The following PPP1R16A variants were observed in gnomAD, a reference collection of about 807,000 sequenced individuals.
PPP1R16A encodes the protein myosin phosphatase-targeting subunit 3.
In PPP1R16A, 39 loss-of-function variants were observed where a neutral mutation model predicts 46.6. The observed-to-expected ratio is 0.84, with a 90% CI of 0.65 to 1.09. The LOEUF (loss-of-function observed/expected upper bound fraction) is 1.09. PPP1R16A is among the 50% of genes least tolerant of loss of function. The pLI, the probability that PPP1R16A is intolerant of heterozygous loss-of-function variation, is 0.00. For synonymous variants in PPP1R16A, 413 were observed against 321.5 expected (o/e 1.28, Z -3.04); for missense variants, 798 against 735.6 (o/e 1.08, Z -0.98).
chr8:144,496,784 C>G lies in PPP1R16A; in HGVS notation c.-411C>G. On this transcript the variant is annotated 5_prime_UTR_variant, in exon 3 of 12. Coordinates refer to ENST00000435887, the MANE Select transcript of PPP1R16A (RefSeq NM_001329443.2). ...TCTCACTGCTGGTTGGCCCTGCCCTCCCTTCCCCCTCAGCAGGGTGCCCGG... is the reference window on the plus strand; with the variant it reads ...TCTCACTGCTGGTTGGCCCTGCCCTGCCTTCCCCCTCAGCAGGGTGCCCGG... 3.7e-6 allele frequency: 1 copy of G among 269,074 alleles called. No homozygotes were observed. Among genetic ancestry groups the G allele is most frequent in the East Asian group, 8.8e-5 (1 of 11,354 alleles). 16.7% of individuals were successfully genotyped at this position (269,074 alleles called of 1,614,324 possible).
At chr8:144,495,899 G>A (rs943551718) in intron 2 of PPP1R16A, 2 of 152,478 alleles carry the variant, frequency 1.3e-5, no homozygotes, top group African/African-American at 4.8e-5. Context: ...CAGGCACCAG[G>A]TGGGGGCTTT....
intron 2 of PPP1R16A, among the ~76,000 whole-genome samples, chr8:144,494,680 G>A (rs1012649863): frequency 6.6e-6 from 1 of 152,164 alleles, no homozygotes; most frequent in Non-Finnish European, 1.5e-5. Context: ...CTTGGCTTGT[G>A]ATCTCTTTGG....
rs1322151126 is a variant in PPP1R16A, at chr8:144,500,980, C to T, written c.1037+9C>T. 4.9e-6 allele frequency: 7 copies of T among 1,441,344 alleles called. No homozygotes were observed. Among genetic ancestry groups the T allele is most frequent in the Non-Finnish European group, 5.4e-6 (6 of 1,109,722 alleles). 89.3% of individuals were successfully genotyped at this position (1,441,344 alleles called of 1,614,324 possible). On this transcript the variant is annotated intron_variant, in intron 10 of 11. Coordinates refer to ENST00000435887, the MANE Select transcript of PPP1R16A (RefSeq NM_001329443.2). ...AGCGCCGGCAGCCGCGGGTGAGCGC[C>T]GCCCCCAGCAGGCCCCGCCCCGGGC...
intron 1 of PPP1R16A, among the ~76,000 whole-genome samples, chr8:144,480,634 A>G (rs556578899): frequency 1.4e-5 from 2 of 147,408 alleles, no homozygotes; most frequent in South Asian, 2.2e-4. Context: ...CTACAGGCGC[A>G]TGCCACCACG....
chr8:144,499,456 T>C (rs1018513981), intron 5 of PPP1R16A: 29 of 218,800 alleles, frequency 1.3e-4, no homozygotes, highest in Non-Finnish European at 1.0e-4. Flanking sequence ...CAGAGGGACG[T>C]AGAGCGGGGG....
chr8:144,480,630 G>A (rs1043770192), intron 1 of PPP1R16A, among the ~76,000 whole-genome samples: 15 of 152,106 alleles, frequency 9.9e-5, no homozygotes, highest in African/African-American at 3.4e-4. Flanking sequence ...GGGACTACAG[G>A]CGCATGCCAC....
At position 144,497,337 on chromosome 8, in the gene PPP1R16A, A is replaced by AG; in HGVS notation, c.146dup (p.Pro50SerfsTer34). 1 of 1,612,756 alleles carries AG rather than the reference A, an allele frequency of 6.2e-7. No individual in the cohort carries two copies. Among genetic ancestry groups the AG allele is most frequent in the Non-Finnish European group, 8.5e-7 (1 of 1,179,908 alleles). ...GCTGAGAAGGAGGCCCAGGGCAAGA[A>AG]GGGTCCTGGGGAGCGTCCCCGGAAG... On this transcript the variant is annotated frameshift_variant, in exon 3 of 12. Coordinates refer to ENST00000435887, the MANE Select transcript of PPP1R16A (RefSeq NM_001329443.2). LOFTEE classifies it high-confidence loss of function.
chr8:144,478,433 T>G (rs939799349), intron 1 of PPP1R16A: 3 of 291,004 alleles, frequency 1.0e-5, no homozygotes, highest in African/African-American at 6.5e-5. Flanking sequence ...CGTTGCTGGC[T>G]GAGGCCCAGG....
chr8:144,483,071 C>T lies in PPP1R16A; in HGVS notation c.-914+4944C>T, dbSNP rs534217568. On this transcript the variant is annotated intron_variant, in intron 1 of 11. Coordinates refer to ENST00000435887, the MANE Select transcript of PPP1R16A (RefSeq NM_001329443.2). ...TGCTGGAATTACAGGTGTGAGCCAC[C>T]GCGCCCGGCCCAACTTTCATTTCTT... 1.2e-4 allele frequency among the ~76,000 whole-genome samples: 18 copies of T among 152,290 alleles called. No individual in the cohort carries two copies. In the South Asian group the frequency reaches 3.5e-3, roughly 30 times the overall value.
intron 11 of PPP1R16A, 40 bp from the exon 12 acceptor site, chr8:144,501,480 A>T (rs1564773290): frequency 3.3e-6 from 5 of 1,493,118 alleles, no homozygotes; most frequent in Non-Finnish European, 4.5e-6. Context: ...GGGAGGGGGG[A>T]GGAGCCTCCT....
At chr8:144,498,670 CACT>C (rs1826228805) in intron 3 of PPP1R16A, 97 bp from the exon 4 acceptor site, 1 of 1,213,972 alleles carries the variant, frequency 8.2e-7, no homozygotes, top group Non-Finnish European at 1.1e-6. Flanking sequence ...CCATCGGCAC[CACT>C]GTCTTCCTTG....
chr8:144,501,470 G>C (rs1202643325), intron 11 of PPP1R16A, 50 bp from the exon 12 acceptor site: 3 of 1,489,104 alleles, frequency 2.0e-6, no homozygotes, highest in East Asian at 2.5e-5. Flanking sequence ...CCCAAGGCCA[G>C]GGAGGGGGGA....
In PPP1R16A at chr8:144,499,024, T is replaced by G. The variant is rs760299844; in HGVS notation, c.439T>G (p.Cys147Gly). 1 of 1,589,816 alleles carries G rather than the reference T, an allele frequency of 6.3e-7. No homozygotes were observed. The highest frequency in any genetic ancestry group is 8.6e-7 in the Non-Finnish European group (1 of 1,164,312). ...GACGCCTCTGCATGCTGCGGCCACC[T>G]GCGGCCACCTGCACCTGGTGGAGCT... Reference protein sequence around the residue: ...CWTPLHAAATCGHLHLVELLI... With the variant: ...CWTPLHAAATGGHLHLVELLI... The change falls in exon 5 of 12, where the codon TGC becomes GGC. Residue 147 changes from cysteine (C) to glycine (G), a missense_variant. Cys to Gly is a radical substitution (Grantham distance 159). Coordinates refer to ENST00000435887, the MANE Select transcript of PPP1R16A (RefSeq NM_001329443.2).
At position 144,500,116 on chromosome 8, in the gene PPP1R16A, T is replaced by G; in HGVS notation, c.497T>G (p.Val166Gly). The G allele has an allele frequency of 6.2e-7, 1 of 1,610,998 alleles. No individual in the cohort carries two copies. Among genetic ancestry groups the G allele is most frequent in the Non-Finnish European group, 8.5e-7 (1 of 1,178,824 alleles). The change falls in exon 6 of 12, where the codon GTC becomes GGC. Residue 166 changes from valine (V) to glycine (G), a missense_variant. By Grantham distance (109) the Val-to-Gly change is moderately radical. Transcript: ENST00000435887. ...TGCAGTGGCGCCAATCTCCTGGCGG[T>G]CAACACCGACGGGAACATGCCCTAT... ...LIASGANLLAVNTDGNMPYDL... is the reference protein window; with the variant it reads ...LIASGANLLAGNTDGNMPYDL...
At position 144,501,917 on chromosome 8, in the gene PPP1R16A, C is replaced by T; in HGVS notation, c.*14C>T. 1.3e-6 allele frequency: 2 copies of T among 1,503,990 alleles called. No individual in the cohort carries two copies. Among genetic ancestry groups the T allele is most frequent in the South Asian group, 1.3e-5 (1 of 78,992 alleles). 93.2% of individuals were successfully genotyped at this position (1,503,990 alleles called of 1,614,324 possible). ...CTGCTCATGTGAGGCTGTTGCTCAG[C>T]ATGCAGGGGCCCTGTCGCGGGCACA... On this transcript the variant is annotated 3_prime_UTR_variant, in exon 12 of 12. Coordinates refer to ENST00000435887, the MANE Select transcript of PPP1R16A (RefSeq NM_001329443.2).
chr8:144,500,410 G>A lies in PPP1R16A; in HGVS notation c.705+19G>A, dbSNP rs1168038164. 1 of 1,518,084 alleles carries A rather than the reference G, an allele frequency of 6.6e-7. No individual in the cohort carries two copies. The highest frequency in any genetic ancestry group is 1.4e-5 in the African/African-American group (1 of 72,786). 94.0% of individuals were successfully genotyped at this position (1,518,084 alleles called of 1,614,324 possible). A position where few individuals can be genotyped will look rare whatever the true frequency, so the allele number is the denominator to read the frequency against. ...CACGCTGGTGAGGGCTGGGGGGTGA[G>A]GGGCACACGGGGCTGGGGGCCTCGC... On this transcript the variant is annotated intron_variant, in intron 7 of 11. Transcript: ENST00000435887.
rs1476163732 is a variant in PPP1R16A at position 144,478,102 on chromosome 8, G to A, written c.-939G>A. ...CCCGCGGAAGCCAGCGGACCCACTTGTGCGGCGGTCGGCGCGGGGCGCGAG... is the reference window on the plus strand; with the variant it reads ...CCCGCGGAAGCCAGCGGACCCACTTATGCGGCGGTCGGCGCGGGGCGCGAG... On this transcript the variant is annotated 5_prime_UTR_variant, in exon 1 of 12. It adds an upstream start codon to the 5' untranslated region. Transcript: ENST00000435887. 5 of 395,746 alleles carry A rather than the reference G, an allele frequency of 1.3e-5. No homozygotes were observed. The East Asian group carries it at 1.8e-4, about 14-fold the overall frequency. The allele number at this position is 395,746 out of a possible 1,614,324, so 24.5% of individuals were successfully genotyped here.
At chr8:144,489,831 G>A (rs2130307576) in intron 1 of PPP1R16A, among the ~76,000 whole-genome samples, 1 of 152,328 alleles carries the variant, frequency 6.6e-6, no homozygotes, top group African/African-American at 2.4e-5. Context: ...TTTATGGCTG[G>A]TGCTGTCCTT....
chr8:144,498,311 G>A, intron 3 of PPP1R16A: 6 of 354,246 alleles, frequency 1.7e-5, no homozygotes, highest in South Asian at 1.2e-4. Flanking sequence ...TTGATGGGGA[G>A]GGGAGTGAGA....
Sources: allele counts gnomAD v4.1 joint callset (sites outside exome capture counted in the v4.1 genomes callset), GRCh38; gene constraint gnomAD v4.1.1; transcripts MANE v1.5; gene names NCBI Gene and HGNC (gene_info 2026-07-23, HGNC 2026-07-21).